TNRC6B: variants seen among roughly 807,000 people sequenced by gnomAD.
TNRC6B encodes trinucleotide repeat containing adaptor 6B, also known as trinucleotide repeat-containing gene 6B protein.
A neutral mutation model predicts 203.6 loss-of-function variants in TNRC6B; 52 were observed. The ratio of observed to expected loss-of-function variants is 0.26; its 90% CI spans 0.20 to 0.32. The LOEUF is 0.32. Ranked by LOEUF, TNRC6B falls within the 10% of genes least tolerant of loss-of-function variation. TNRC6B has a pLI of 1.00. For synonymous variants in TNRC6B, 838 were observed against 845.7 expected, an observed-to-expected ratio of 0.99 and a Z score of 0.16; for missense variants, 1,923 against 2,286.2, an observed-to-expected ratio of 0.84 and a Z score of 3.24.
intron 2 of TNRC6B, among the ~76,000 whole-genome samples, chr22:40,247,551 C>T: frequency 6.6e-6 from 1 of 152,294 alleles, no homozygotes; most frequent in Non-Finnish European, 1.5e-5. Flanking sequence ...GTAATTTTAT[C>T]TTTTCTTCAT....
Position 40,315,947 on chromosome 22 carries a change from A to C in TNRC6B, c.4909A>C (p.Thr1637Pro), listed in dbSNP as rs757770835. 1 of 1,613,716 alleles carries C rather than the reference A, an allele frequency of 6.2e-7. No homozygotes were observed. The highest frequency in any genetic ancestry group is 1.7e-5 in the Admixed American group (1 of 59,996). The stretch of plus-strand genomic sequence containing the variant: ...ATTTTTCTGGTTGCTCATAGCCTCT[A>C]CCTGGAGTGATGGTGGCTCAGTTCG... The part of the protein sequence containing the change: ...TQDSRLASAS[T>P]WSDGGSVRPS... Residue 1637 changes from threonine to proline, a missense_variant, in exon 21 of 23, where the codon ACC (threonine) becomes CCC (proline). Physicochemically the swap from Thr to Pro is conservative, Grantham distance 38. Transcript: ENST00000454349.
chr22:40,185,746 A>G (rs980089657), intron 1 of TNRC6B, among the ~76,000 whole-genome samples: 2 of 152,136 alleles, frequency 1.3e-5, no homozygotes, highest in Non-Finnish European at 2.9e-5. Context: ...GAATTTTGAT[A>G]TGGCAGTGGT....
At chr22:40,282,600 T>C (rs2070732611) in intron 11 of TNRC6B, among the ~76,000 whole-genome samples, 1 of 152,174 alleles carries the variant, frequency 6.6e-6, no homozygotes, top group Admixed American at 6.5e-5. Flanking sequence ...TGTTAGTACA[T>C]AAATTAGTAT....
At chr22:40,132,121 G>A (rs2068550355) in intron 3 of TNRC6B, among the ~76,000 whole-genome samples, 1 of 152,188 alleles carries the variant, frequency 6.6e-6, no homozygotes, top group Non-Finnish European at 1.5e-5. Flanking sequence ...GCCGAGGCAG[G>A]CAGATGACTT....
At chr22:40,319,271 T>TAAAA (rs574303341) in intron 21 of TNRC6B, among the ~76,000 whole-genome samples, 7 of 142,418 alleles carry the variant, frequency 4.9e-5, no homozygotes, top group African/African-American at 1.8e-4. Flanking sequence ...TCTCTGAATT[T>TAAAA]AAAAAAAAAA....
At chr22:40,294,073 CAA>C (rs11354611) in intron 12 of TNRC6B, among the ~76,000 whole-genome samples, 353 of 80,306 alleles carry the variant, frequency 4.4e-3, no homozygotes, top group Middle Eastern at 0.015. Flanking sequence ...CCCATCTCTA[CAA>C]AAAAAAAAAA....
intron 1 of TNRC6B, among the ~76,000 whole-genome samples, chr22:40,097,465 G>A (rs150128508): frequency 3.9e-4 from 60 of 151,968 alleles, no homozygotes; most frequent in African/African-American, 1.3e-3. Context: ...GCCACCACAC[G>A]CGGCCAATTT....
chr22:40,236,137 T>G (rs547027668), intron 1 of TNRC6B, among the ~76,000 whole-genome samples: 8 of 152,350 alleles, frequency 5.3e-5, no homozygotes, highest in African/African-American at 7.2e-5. Flanking sequence ...TTACTTGTAT[T>G]TAATTGCCTA....
At position 40,245,946 on chromosome 22, in the gene TNRC6B, T is replaced by A. The variant is rs1428064138; in HGVS notation, c.6-69T>A. 9.4e-6 allele frequency: 12 copies of A among 1,271,508 alleles called. No homozygotes were observed. In the East Asian group the frequency reaches 2.9e-4, roughly 31 times the overall value. The allele number at this position is 1,271,508 out of a possible 1,614,324, so 78.8% of individuals were successfully genotyped here. A position where few individuals can be genotyped will look rare whatever the true frequency, so the allele number is the denominator to read the frequency against. On this transcript the variant is annotated intron_variant, in intron 1 of 22. Coordinates refer to ENST00000454349, the MANE Select transcript of TNRC6B (RefSeq NM_001162501.2). ...TCGTCTTGCCCACCACTTACAAGCA[T>A]TCAATTTGCTGCGGAAATGGATTGT...
chr22:40,179,810 CT>C (rs1157363955), intron 1 of TNRC6B, among the ~76,000 whole-genome samples: 2 of 152,148 alleles, frequency 1.3e-5, no homozygotes, highest in Non-Finnish European at 2.9e-5. Context: ...TGAAAATGGC[CT>C]GTTTCTTTGG....
chr22:40,223,418 C>T (rs982230928), intron 1 of TNRC6B, among the ~76,000 whole-genome samples: 1 of 151,262 alleles, frequency 6.6e-6, no homozygotes, highest in African/African-American at 2.4e-5. Context: ...GGATTACAGG[C>T]GTGAGCCACT....
intron 3 of TNRC6B, among the ~76,000 whole-genome samples, chr22:40,150,252 C>T (rs1025835128): frequency 6.6e-6 from 1 of 152,164 alleles, no homozygotes; most frequent in Admixed American, 6.5e-5. Context: ...GTCGTGGGCG[C>T]CTGTAGTCCC....
At chr22:40,077,204 C>T (rs925134137) in intron 1 of TNRC6B, among the ~76,000 whole-genome samples, 4 of 152,036 alleles carry the variant, frequency 2.6e-5, no homozygotes, top group Non-Finnish European at 5.9e-5. Flanking sequence ...ACTCAGGCTC[C>T]TCTGATTATT....
At chr22:40,253,420 G>T (rs1394185746) in intron 3 of TNRC6B, among the ~76,000 whole-genome samples, 1 of 151,892 alleles carries the variant, frequency 6.6e-6, no homozygotes, top group Non-Finnish European at 1.5e-5. Context: ...AAAAATTTGG[G>T]AGGGGTACCA....
intron 18 of TNRC6B, 114 bp downstream of exon 18, chr22:40,312,765 A>G: frequency 6.7e-7 from 1 of 1,490,042 alleles, no homozygotes; most frequent in African/African-American, 1.4e-5. Flanking sequence ...AAATGTAAAA[A>G]GATTGCTTTT....
rs994432925 is a variant in TNRC6B, at chr22:40,151,537, CA to C, written c.46-4563del. Among the ~76,000 whole-genome samples, 77 of 24,136 alleles carry C rather than the reference CA, an allele frequency of 3.2e-3. 2 individuals are homozygous for C. The highest frequency in any genetic ancestry group is 0.015 in the Admixed American group (35 of 2,388). The allele number at this position is 24,136 out of a possible 152,430, so 15.8% of individuals were successfully genotyped here. ...CCTGGGCGACAGTGAGACTGCATCTCAAAAAAAAAAAAAAAGAAAAAAGAAA... is the reference window on the plus strand; with the variant it reads ...CCTGGGCGACAGTGAGACTGCATCTCAAAAAAAAAAAAAAGAAAAAAGAAA... On this transcript the variant is annotated intron_variant, in intron 3 of 23. Transcript: ENST00000301923.
chr22:40,283,365 G>A lies in TNRC6B; in HGVS notation c.3582+2076G>A, dbSNP rs555332846. Among the ~76,000 whole-genome samples, 3 of 152,078 alleles carry A rather than the reference G, an allele frequency of 2.0e-5. No homozygotes were observed. In the East Asian group the frequency reaches 5.8e-4, roughly 29 times the overall value. ...TCTCCTGTTTATTTTTTACAGATGGGGTCTTGCTTATGTTGCCTAGGTTGG... is the reference window on the plus strand; with the variant it reads ...TCTCCTGTTTATTTTTTACAGATGGAGTCTTGCTTATGTTGCCTAGGTTGG... On this transcript the variant is annotated intron_variant, in intron 11 of 22. Coordinates refer to ENST00000454349, the MANE Select transcript of TNRC6B (RefSeq NM_001162501.2).
chr22:40,077,413 C>T (rs1445093557), intron 1 of TNRC6B, among the ~76,000 whole-genome samples: 1 of 152,104 alleles, frequency 6.6e-6, no homozygotes, highest in Non-Finnish European at 1.5e-5. Flanking sequence ...AATGGGAGGG[C>T]AAGTCTGGTA....
chr22:40,323,175 T>C lies in TNRC6B; in HGVS notation c.5436T>C (p.His1812=). The change falls in exon 23 of 23, where the codon CAT becomes CAC. Residue 1812 remains histidine (H), a synonymous_variant. Transcript: ENST00000454349. ...GAGTCCCAACGGTGGAAGATCCCCATAGGATGGGCAGCCCTGCTCCTTTAC... is the reference window on the plus strand; with the variant it reads ...GAGTCCCAACGGTGGAAGATCCCCACAGGATGGGCAGCCCTGCTCCTTTAC... ...LWGVPTVEDP[H]RMGSPAPLLP... The C allele has an allele frequency of 6.2e-7, 1 of 1,613,766 alleles. No homozygotes were observed. The highest frequency in any genetic ancestry group is 8.5e-7 in the Non-Finnish European group (1 of 1,179,862).
Sources: gnomAD v4.1 joint callset for allele counts (sites outside exome capture counted in the v4.1 genomes callset) on GRCh38, gnomAD v4.1.1 for gene constraint, MANE v1.5 for transcripts, NCBI Gene and HGNC (gene_info 2026-07-23, HGNC 2026-07-21) for gene names.